RAD51B: variants seen among roughly 807,000 people sequenced by gnomAD.
RAD51B encodes the protein RAD51 paralog B.
In RAD51B, 38 loss-of-function variants were observed where a neutral mutation model predicts 42.2. The ratio of observed to expected loss-of-function variants is 0.90; its 90% confidence interval spans 0.70 to 1.18. RAD51B has a LOEUF of 1.18. Among genes scored for constraint, RAD51B ranks in the 50% most tolerant of loss-of-function variants. The pLI is 0.00. For synonymous variants in RAD51B, 154 were observed against 145.2 expected (o/e 1.06, Z -0.43); for missense variants, 373 against 400.7 (o/e 0.93, Z 0.59).
At chr14:68,381,102 G>A (rs565952801) in intron 8 of RAD51B, among the ~76,000 whole-genome samples, 1 of 152,188 alleles carries the variant, frequency 6.6e-6, no homozygotes, top group South Asian at 2.1e-4. Context: ...TCTTTGTCCT[G>A]TCAATTGTCA....
intron 7 of RAD51B, among the ~76,000 whole-genome samples, chr14:68,261,204 G>C (rs924251373): frequency 6.6e-6 from 1 of 152,228 alleles, no homozygotes; most frequent in Admixed American, 6.5e-5. Flanking sequence ...GAAGTTATTG[G>C]CCCGCAGTTT....
At chr14:68,418,048 G>T (rs145965347) in intron 9 of RAD51B, among the ~76,000 whole-genome samples, 1 of 152,072 alleles carries the variant, frequency 6.6e-6, no homozygotes, top group Non-Finnish European at 1.5e-5. Flanking sequence ...AACAAAACAC[G>T]GGTGAGAGAA....
rs117747543 is a variant in RAD51B at position 68,329,033 on chromosome 14, G to A, written c.853+37053G>A. On this transcript the variant is annotated intron_variant, in intron 8 of 10. Transcript: ENST00000471583. ...ATTTATGTATATATTTTTTGAGACA[G>A]GGTCTTTTGCTGTTGCCCAGGCTGG... Among the ~76,000 whole-genome samples the A allele has an allele frequency of 2.8e-3, 420 of 152,226 alleles. 11 individuals are homozygous for A. The East Asian group carries it at 0.046, about 17-fold the overall frequency.
intron 10 of RAD51B, among the ~76,000 whole-genome samples, chr14:68,605,669 C>A (rs1243603183): frequency 2.6e-5 from 4 of 152,208 alleles, no homozygotes; most frequent in Non-Finnish European, 5.9e-5. Flanking sequence ...AAGGGCCTAC[C>A]CCACTCCTGT....
At chr14:67,848,403 T>C (rs2041694732) in intron 4 of RAD51B, among the ~76,000 whole-genome samples, 1 of 152,190 alleles carries the variant, frequency 6.6e-6, no homozygotes, top group African/African-American at 2.4e-5. Flanking sequence ...GGTATAAGAA[T>C]AGTGACTTCT....
intron 7 of RAD51B, among the ~76,000 whole-genome samples, chr14:68,229,039 A>G (rs193243116): frequency 2.6e-5 from 4 of 152,178 alleles, no homozygotes; most frequent in African/African-American, 7.2e-5. Flanking sequence ...ACTTTTTACC[A>G]TGTCTAAAAA....
intron 4 of RAD51B, among the ~76,000 whole-genome samples, chr14:67,851,419 T>A (rs1361571070): frequency 6.6e-6 from 1 of 152,044 alleles, no homozygotes; most frequent in African/African-American, 2.4e-5. Flanking sequence ...TCGACAGGGC[T>A]TTGGGCCATG....
intron 7 of RAD51B, among the ~76,000 whole-genome samples, chr14:68,223,977 C>T (rs1363297647): frequency 2.0e-5 from 3 of 152,188 alleles, no homozygotes; most frequent in African/African-American, 7.2e-5. Context: ...ACAAATCAGC[C>T]TCAGCCATGT....
intron 8 of RAD51B, among the ~76,000 whole-genome samples, chr14:68,400,267 C>G (rs528606136): frequency 6.6e-6 from 1 of 152,292 alleles, no homozygotes; most frequent in South Asian, 2.1e-4. Flanking sequence ...GTAAAGCGAC[C>G]AAATGTTACT....
intron 11 of RAD51B, among the ~76,000 whole-genome samples, chr14:68,682,651 C>G (rs1230421454): frequency 6.6e-6 from 1 of 152,116 alleles, no homozygotes; most frequent in Non-Finnish European, 1.5e-5. Context: ...CTGAGTTAAG[C>G]ACCATAAATA....
intron 10 of RAD51B, among the ~76,000 whole-genome samples, chr14:68,498,963 G>A (rs1385414476): frequency 1.3e-5 from 2 of 152,194 alleles, no homozygotes; most frequent in Non-Finnish European, 2.9e-5. Context: ...ATAAGGGGCT[G>A]AAGGAGGAAA....
At chr14:68,550,888 G>T (rs1467096756) in intron 10 of RAD51B, among the ~76,000 whole-genome samples, 1 of 152,136 alleles carries the variant, frequency 6.6e-6, no homozygotes, top group Non-Finnish European at 1.5e-5. Flanking sequence ...TTAAAAAATA[G>T]TTAAAGAGAG....
chr14:68,270,804 A>G (rs2081090336), intron 7 of RAD51B, among the ~76,000 whole-genome samples: 2 of 152,116 alleles, frequency 1.3e-5, no homozygotes, highest in South Asian at 4.2e-4. Context: ...CAGATGAGCT[A>G]TGTGTGTATT....
intron 10 of RAD51B, among the ~76,000 whole-genome samples, chr14:68,630,484 A>T (rs1456489291): frequency 6.6e-6 from 1 of 152,124 alleles, no homozygotes; most frequent in Non-Finnish European, 1.5e-5. Flanking sequence ...ATAAAATAGC[A>T]TGGCCGTCCC....
At chr14:67,871,143 C>T (rs1345749037) in intron 5 of RAD51B, among the ~76,000 whole-genome samples, 9 of 151,970 alleles carry the variant, frequency 5.9e-5, no homozygotes, top group Non-Finnish European at 1.3e-4. Context: ...TTGATGAATC[C>T]AGGAGCTGGT....
At chr14:68,228,554 A>T (rs559353654) in intron 7 of RAD51B, among the ~76,000 whole-genome samples, 3 of 152,092 alleles carry the variant, frequency 2.0e-5, no homozygotes, top group Admixed American at 6.5e-5. Context: ...ATTTTTTTTT[A>T]AAAGAACTTA....
At chr14:68,161,463 A>G (rs1049851656) in intron 7 of RAD51B, among the ~76,000 whole-genome samples, 3 of 152,188 alleles carry the variant, frequency 2.0e-5, no homozygotes, top group African/African-American at 7.2e-5. Flanking sequence ...CTAGGCATTA[A>G]GGCCTGGCGA....
chr14:67,968,538 T>A (rs2074832825), intron 7 of RAD51B, among the ~76,000 whole-genome samples: 1 of 152,162 alleles, frequency 6.6e-6, no homozygotes, highest in Non-Finnish European at 1.5e-5. Flanking sequence ...TCTCTCAAGT[T>A]CAAAGTTCCA....
intron 8 of RAD51B, among the ~76,000 whole-genome samples, chr14:68,359,697 A>T (rs910326773): frequency 1.3e-5 from 2 of 152,070 alleles, no homozygotes; most frequent in African/African-American, 4.8e-5. Context: ...AATCATTTGG[A>T]ATGCTGCTGG....
Sources: allele counts gnomAD v4.1 joint callset (sites outside exome capture counted in the v4.1 genomes callset), GRCh38; gene constraint gnomAD v4.1.1; transcripts MANE v1.5; gene names NCBI Gene and HGNC (gene_info 2026-07-23, HGNC 2026-07-21).